Variants in NPHP4 observed in about 807,000 individuals in gnomAD.
The protein encoded by NPHP4 is nephrocystin-4.
Under a neutral mutation model 155.8 loss-of-function variants are expected in NPHP4, and 151 were observed. That is an observed-to-expected ratio of 0.97 (90% CI 0.85 to 1.11). NPHP4 has a LOEUF of 1.11. NPHP4 is among the 50% of genes least tolerant of loss of function. The pLI is 0.00. For missense variants in NPHP4, 1,956 were observed against 1,925.7 expected (o/e 1.02, Z -0.29); for synonymous variants, 845 against 816.8 (o/e 1.03, Z -0.59).
intron 9 of NPHP4, among the ~76,000 whole-genome samples, chr1:5,946,126 C>T (rs1395556625): frequency 7.2e-5 from 11 of 152,106 alleles, no homozygotes; most frequent in Admixed American, 2.0e-4. Flanking sequence ...TAGTATGTAC[C>T]GTGTAGGGGT....
chr1:5,903,750 G>A (rs1644782881), intron 16 of NPHP4, among the ~76,000 whole-genome samples: 2 of 152,192 alleles, frequency 1.3e-5, no homozygotes, highest in Admixed American at 1.3e-4. Context: ...AAAAGTTGAT[G>A]CCAGGAAGTT....
At chr1:5,909,478 G>T (rs906445461) in intron 11 of NPHP4, among the ~76,000 whole-genome samples, 1 of 152,212 alleles carries the variant, frequency 6.6e-6, no homozygotes, top group Non-Finnish European at 1.5e-5. Flanking sequence ...TGGGCCAGCA[G>T]GTCTCACAGC....
intron 9 of NPHP4, among the ~76,000 whole-genome samples, chr1:5,942,011 G>T (rs956630956): frequency 6.6e-6 from 1 of 152,168 alleles, no homozygotes; most frequent in African/African-American, 2.4e-5. Flanking sequence ...TCTCCCCACA[G>T]ATCACTTATT....
intron 11 of NPHP4, among the ~76,000 whole-genome samples, chr1:5,911,135 T>C: frequency 6.6e-6 from 1 of 152,210 alleles, no homozygotes; most frequent in East Asian, 1.9e-4. Flanking sequence ...CAGGAAAATA[T>C]CATCTCACTA....
chr1:5,987,502 C>T (rs1437879514), intron 1 of NPHP4, among the ~76,000 whole-genome samples: 1 of 152,136 alleles, frequency 6.6e-6, no homozygotes, highest in Non-Finnish European at 1.5e-5. Context: ...GCCACTGGGG[C>T]CTCACTCAAC....
chr1:5,915,613 G>C (rs1645431125), intron 11 of NPHP4, among the ~76,000 whole-genome samples: 2 of 152,178 alleles, frequency 1.3e-5, no homozygotes, highest in Non-Finnish European at 2.9e-5. Flanking sequence ...GCCCAGGACT[G>C]CAGGAGTCCA....
intron 26 of NPHP4, chr1:5,865,596 C>T (rs777672622): frequency 3.7e-6 from 1 of 267,198 alleles, no homozygotes; most frequent in Non-Finnish European, 7.1e-6. Context: ...AAACACACAT[C>T]CTGGACAAGT....
chr1:5,890,506 G>A lies in NPHP4; in HGVS notation c.2304+362C>T, dbSNP rs939626676. ...GTCACACTGCACACCCCAGTCATTC[G>A]CGTATCCATTCATTCATCCTCAACC... is the stretch of plus-strand genomic sequence containing the variant. On this transcript the variant is annotated intron_variant, in intron 17 of 29. Coordinates refer to ENST00000378156, the MANE Select transcript of NPHP4 (RefSeq NM_015102.5). The surrounding 1 kb of genome is among the most constrained non-coding windows in gnomAD (Gnocchi z 4.9). 3.3e-5 allele frequency among the ~76,000 whole-genome samples: 5 copies of A among 152,122 alleles called. No individual in the cohort carries two copies. Among genetic ancestry groups the A allele is most frequent in the African/African-American group, 1.2e-4 (5 of 41,414 alleles).
Position 5,948,256 on chromosome 1 carries a change from A to T in NPHP4, c.811-5T>A. The T allele has an allele frequency of 6.4e-7, 1 of 1,553,122 alleles. No individual in the cohort carries two copies. The highest frequency in any genetic ancestry group is 8.7e-7 in the Non-Finnish European group (1 of 1,152,380). On this transcript the variant is annotated splice_region_variant and splice_polypyrimidine_tract_variant and intron_variant, in intron 7 of 29. Coordinates refer to ENST00000378156, the MANE Select transcript of NPHP4 (RefSeq NM_015102.5). Reference sequence around the variant, plus strand: ...ACCGTCCAGTGGGCCACATCCCTGGAAGAGGCACAGAAGGAATGAGCCCCG... The same window carrying T: ...ACCGTCCAGTGGGCCACATCCCTGGTAGAGGCACAGAAGGAATGAGCCCCG...
intron 23 of NPHP4, 164 bp from the exon 24 acceptor site, chr1:5,868,060 T>C (rs1435642843): frequency 1.3e-6 from 1 of 798,756 alleles, no homozygotes. Flanking sequence ...GGACTGAGTC[T>C]GCAGCAGCAG....
intron 11 of NPHP4, among the ~76,000 whole-genome samples, chr1:5,917,838 G>A (rs551102490): frequency 1.1e-4 from 17 of 152,250 alleles, no homozygotes; most frequent in African/African-American, 3.6e-4. Context: ...CTTCTAACCC[G>A]GGAGGGGGAG....
intron 29 of NPHP4, 40 bp downstream of exon 29, chr1:5,863,850 G>T: frequency 6.2e-7 from 1 of 1,610,292 alleles, no homozygotes; most frequent in Non-Finnish European, 8.5e-7. Flanking sequence ...TCAGGTCCCC[G>T]GGTCTTCCCC....
chr1:5,968,088 A>G (rs1402400435), intron 4 of NPHP4, among the ~76,000 whole-genome samples: 4 of 151,926 alleles, frequency 2.6e-5, no homozygotes, highest in African/African-American at 4.8e-5. Flanking sequence ...CACATCGCTC[A>G]ATATTCAAGC....
At chr1:5,956,391 G>T (rs976830346) in intron 6 of NPHP4, among the ~76,000 whole-genome samples, 1 of 152,242 alleles carries the variant, frequency 6.6e-6, no homozygotes, top group African/African-American at 2.4e-5. Context: ...CCACGCACAG[G>T]AAGTCATCAA....
Position 5,927,079 on chromosome 1 carries a change from C to T in NPHP4, c.1441+570G>A, listed in dbSNP as rs149298553. Among the ~76,000 whole-genome samples, 134 of 152,322 alleles carry T rather than the reference C, an allele frequency of 8.8e-4. 2 individuals carry two copies. The East Asian group carries it at 0.025, about 29-fold the overall frequency. On this transcript the variant is annotated intron_variant, in intron 11 of 29. Transcript: ENST00000378156. ...AGAGGCTCTGAGCACAGGGTACTGC[C>T]TCAGCAGAAGCAGCTAGGCTGACGG... is the stretch of plus-strand genomic sequence containing the variant.
rs1397228763 is a variant in NPHP4, at chr1:5,875,117, A to G, written c.2818-17T>C. 5.1e-6 allele frequency: 8 copies of G among 1,572,656 alleles called. No individual in the cohort carries two copies. The highest frequency in any genetic ancestry group is 2.3e-5 in the South Asian group (2 of 87,944). ...CTGCTGCGCCTGCAGACAAGAGGACATGGGTGGACAGGGTCCCAGGCACAC... is the reference window on the plus strand; with the variant it reads ...CTGCTGCGCCTGCAGACAAGAGGACGTGGGTGGACAGGGTCCCAGGCACAC... On this transcript the variant is annotated splice_polypyrimidine_tract_variant and intron_variant, in intron 20 of 29. Transcript: ENST00000378156.
intron 11 of NPHP4, among the ~76,000 whole-genome samples, chr1:5,920,222 C>T (rs1017787717): frequency 2.0e-5 from 3 of 152,304 alleles, no homozygotes; most frequent in East Asian, 1.9e-4. Flanking sequence ...TGAGCCACCG[C>T]GCCCGGCCTT....
intron 17 of NPHP4, chr1:5,888,482 G>A (rs1266326728): frequency 8.0e-7 from 1 of 1,248,616 alleles, no homozygotes; most frequent in Non-Finnish European, 1.0e-6. Flanking sequence ...TTGTGGGTCT[G>A]GGGGCTTCCG....
At chr1:5,977,386 G>A (rs1002971313) in intron 3 of NPHP4, among the ~76,000 whole-genome samples, 5 of 151,996 alleles carry the variant, frequency 3.3e-5, no homozygotes, top group Non-Finnish European at 7.4e-5. Context: ...TTCTCATCCT[G>A]TAAGTCCCAG....
Sources: gnomAD v4.1 joint callset for allele counts (sites outside exome capture counted in the v4.1 genomes callset) on GRCh38, gnomAD v4.1.1 for gene constraint, Gnocchi (gnomAD v3.1) non-coding constraint, MANE v1.5 for transcripts, NCBI Gene and HGNC (gene_info 2026-07-23, HGNC 2026-07-21) for gene names.